The following THBS2 variants were observed in gnomAD, a reference collection of about 807,000 sequenced individuals.
THBS2 encodes thrombospondin-2.
In THBS2, 47 loss-of-function variants were observed where a neutral mutation model predicts 135.2. The ratio of observed to expected loss-of-function variants is 0.35; its 90% CI spans 0.28 to 0.44. The LOEUF (loss-of-function observed/expected upper bound fraction) is 0.44. THBS2 is among the 20% of genes least tolerant of loss of function. The probability of loss-of-function intolerance (pLI) is 1.00; values close to 1 mark genes in which losing one functional copy is unlikely to be tolerated. For synonymous variants in THBS2, 639 were observed against 633.8 expected, an observed-to-expected ratio of 1.01 and a Z score of -0.12; for missense variants, 1,288 against 1,603.1, an observed-to-expected ratio of 0.80 and a Z score of 3.36.
At position 169,237,180 on chromosome 6, in the gene THBS2, G is replaced by C. The variant is rs1012026756; in HGVS notation, c.1467C>G (p.Ala489=). ...CTTCACCGTACTTACTTGGGCATGGGGCGCCCTGGCAGGCTTTGGTCTCCC... is the reference window on the plus strand; with the variant it reads ...CTTCACCGTACTTACTTGGGCATGGCGCGCCCTGGCAGGCTTTGGTCTCCC... The part of the protein sequence containing the change: ...SGRETKACQG[A]PCPIDGRWSP... The change falls in exon 9 of 22, where the codon GCC becomes GCG. Residue 489 remains alanine, a synonymous_variant. Transcript: ENST00000617924. The C allele has an allele frequency of 3.1e-6, 5 of 1,606,820 alleles. No homozygotes were observed. The highest frequency in any genetic ancestry group is 4.2e-6 in the Non-Finnish European group (5 of 1,179,058).
rs1780255459 is a variant in THBS2, at chr6:169,240,602, C to T, written c.892-10G>A. On this transcript the variant is annotated splice_polypyrimidine_tract_variant and intron_variant, in intron 5 of 21. Coordinates refer to ENST00000617924, the MANE Select transcript of THBS2 (RefSeq NM_003247.5). ...ACTGGTTATCATTCGACTGGAAAATCAAGTGAAACATTTAAGTGTAGACAA... is the reference window on the plus strand; with the variant it reads ...ACTGGTTATCATTCGACTGGAAAATTAAGTGAAACATTTAAGTGTAGACAA... 1 of 1,613,074 alleles carries T rather than the reference C, an allele frequency of 6.2e-7. No individual in the cohort carries two copies. The highest frequency in any genetic ancestry group is 1.1e-5 in the South Asian group (1 of 90,986).
Position 169,248,485 on chromosome 6 carries a change from C to G in THBS2, c.541G>C (p.Glu181Gln), listed in dbSNP as rs781551028. 3.1e-6 allele frequency: 5 copies of G among 1,613,616 alleles called. No individual in the cohort carries two copies. Among genetic ancestry groups the G allele is most frequent in the Middle Eastern group, 1.6e-4 (1 of 6,082 alleles). ...CGGCTCTTTTCCGCCTGCAGGTGCT[C>G]GTAGAAGGGCTCGTCCAGAGCGAAG... is the stretch of plus-strand genomic sequence containing the variant. ...DSFALDEPFYEHLQAEKSRMY... is the reference protein window; with the variant it reads ...DSFALDEPFYQHLQAEKSRMY... Residue 181 changes from glutamate (E) to glutamine (Q), a missense_variant, in exon 3 of 22, where the codon GAG becomes CAG. By Grantham distance (29) the Glu-to-Gln change is conservative. Around this residue, in one of 2 missense-constraint regions of THBS2, gnomAD observed 414 missense variants for 447.0 expected, o/e 0.93. Transcript: ENST00000617924.
chr6:169,228,049 G>A, intron 15 of THBS2, 73 bp downstream of exon 15: 2 of 1,513,228 alleles, frequency 1.3e-6, no homozygotes, highest in Non-Finnish European at 8.8e-7. Context: ...CTACTGCCCT[G>A]GGCAACAATA....
rs200305949 is a variant in THBS2, at chr6:169,232,878, G to A, written c.1779+12C>T. On this transcript the variant is annotated intron_variant, in intron 11 of 21. Coordinates refer to ENST00000617924, the MANE Select transcript of THBS2 (RefSeq NM_003247.5). ...CCTCAGGGCGCCCACAGCCCAGGGCGGGGTCACCCACCTCGTCCAGGTCCT... is the reference window on the plus strand; with the variant it reads ...CCTCAGGGCGCCCACAGCCCAGGGCAGGGTCACCCACCTCGTCCAGGTCCT... 41 of 1,602,690 alleles carry A rather than the reference G, an allele frequency of 2.6e-5. No individual in the cohort carries two copies. The East Asian group carries it at 7.4e-4, about 29-fold the overall frequency.
chr6:169,232,264 G>C, intron 12 of THBS2, 66 bp from the exon 13 acceptor site: 1 of 1,565,134 alleles, frequency 6.4e-7, no homozygotes, highest in Non-Finnish European at 8.7e-7. Context: ...GTCGAGGCGG[G>C]GCGTCGGGCA....
chr6:169,249,801 T>C (rs12189649), intron 2 of THBS2, among the ~76,000 whole-genome samples: 72,875 of 151,874 alleles, frequency 0.48, 17,663 homozygotes, highest in Middle Eastern at 0.55. Context: ...GAGGCCGAGG[T>C]GGGTGGATCA....
At chr6:169,233,082 C>A in intron 10 of THBS2, 65 bp from the exon 11 acceptor site, 2 of 1,439,496 alleles carry the variant, frequency 1.4e-6, no homozygotes, top group East Asian at 2.5e-5. Flanking sequence ...GAAGCCCGCC[C>A]TGTGGGCCGT....
chr6:169,233,076 C>T (rs1779907943), intron 10 of THBS2, 59 bp from the exon 11 acceptor site: 8 of 1,445,740 alleles, frequency 5.5e-6, no homozygotes, highest in Non-Finnish European at 7.3e-6. Context: ...CAGAAGGAAG[C>T]CCGCCCTGTG....
chr6:169,229,381 C>T (rs1411370473), intron 14 of THBS2, among the ~76,000 whole-genome samples, 191 bp downstream of exon 14: 2 of 152,158 alleles, frequency 1.3e-5, no homozygotes, highest in Non-Finnish European at 2.9e-5. Context: ...CCTGGGCAGC[C>T]CCATGCACTG....
chr6:169,232,070 G>A lies in THBS2; in HGVS notation c.2061C>T (p.Asp687=), dbSNP rs1214284022. The A allele has an allele frequency of 7.4e-6, 12 of 1,614,078 alleles. No homozygotes were observed. Among genetic ancestry groups the A allele is most frequent in the East Asian group, 4.5e-5 (2 of 44,858 alleles). The change falls in exon 13 of 22, where the codon GAC becomes GAT. Residue 687 remains aspartate, a synonymous_variant. Transcript: ENST00000617924. ...KCECQTGYAG[D]GLICGEDSDL... is the part of the protein sequence containing the mutation. ...CCGAGTCCTCCCCGCAGATGAGCCC[G>A]TCGCCCGCGTAGCCTGTCTGGCACT...
At chr6:169,219,027 GGATGGATGAGTAGGTGGGTGGATGA>G (rs2114967885) in intron 21 of THBS2, among the ~76,000 whole-genome samples, 1 of 150,138 alleles carries the variant, frequency 6.7e-6, no homozygotes, top group African/African-American at 2.5e-5. Context: ...ATGAGTGGAT[GGATGGATGAGTAGGTGGGTGGATGA>G]GATGGATGGA....
At chr6:169,244,677 A>G (rs1433598210) in intron 4 of THBS2, among the ~76,000 whole-genome samples, 1 of 152,142 alleles carries the variant, frequency 6.6e-6, no homozygotes, top group Non-Finnish European at 1.5e-5. Context: ...AGTACCCAAA[A>G]GCCCCACAGC....
rs144458205 is a variant in THBS2, at chr6:169,248,506, C to A, written c.520G>T (p.Ala174Ser). ...TGCTCGTAGAAGGGCTCGTCCAGAG[C>A]GAAGCTGTCTATGAGGTCGCAGCCC... ...HVGCDLIDSF[A>S]LDEPFYEHLQ... is the part of the protein sequence containing the mutation. Residue 174 changes from alanine (A) to serine (S), a missense_variant, in exon 3 of 22, where the codon GCT (alanine) becomes TCT (serine). Around this residue, in one of 2 missense-constraint regions of THBS2, gnomAD observed 414 missense variants for 447.0 expected, o/e 0.93. Transcript: ENST00000617924. 15 of 1,613,900 alleles carry A rather than the reference C, an allele frequency of 9.3e-6. No individual in the cohort carries two copies. In the African/African-American group the frequency reaches 1.6e-4, roughly 17 times the overall value.
At chr6:169,220,440 T>C in intron 20 of THBS2, 103 bp from the exon 21 acceptor site, 1 of 1,438,014 alleles carries the variant, frequency 7.0e-7, no homozygotes, top group Non-Finnish European at 9.4e-7. Flanking sequence ...AAGCTGTGGA[T>C]ACTCCGCCCA....
Position 169,223,342 on chromosome 6 carries a change from G to T in THBS2, c.2907C>A (p.Pro969=). The T allele has an allele frequency of 6.2e-7, 1 of 1,614,138 alleles. No individual in the cohort carries two copies. The highest frequency in any genetic ancestry group is 1.7e-5 in the Admixed American group (1 of 60,014). Residue 969 remains proline, a synonymous_variant, in exon 18 of 22, where the codon CCC becomes CCA. Coordinates refer to ENST00000617924, the MANE Select transcript of THBS2 (RefSeq NM_003247.5). ...TGGGATCAATTTGGGTGGTCCCTTT[G>T]GGATCCAAGGGGACCATCTGGAAGT... is the stretch of plus-strand genomic sequence containing the variant. ...FRNFQMVPLD[P]KGTTQIDPNW...
chr6:169,218,121 G>A (rs2114963867), intron 21 of THBS2, among the ~76,000 whole-genome samples: 2 of 129,138 alleles, frequency 1.5e-5, no homozygotes, highest in South Asian at 2.8e-4. Flanking sequence ...GATGGATGGG[G>A]TGGGTGGGTG....
chr6:169,248,684 C>T lies in THBS2; in HGVS notation c.342G>A (p.Glu114=). 6.2e-7 allele frequency: 1 copy of T among 1,613,894 alleles called. No individual in the cohort carries two copies. The highest frequency in any genetic ancestry group is 1.1e-5 in the South Asian group (1 of 91,064). Residue 114 remains glutamate, a synonymous_variant, in exon 3 of 22, where the codon GAG becomes GAA. Transcript: ENST00000617924. ...EGPGLSQRQF[E]IVSNGPADTL... ...TGTCCGCGGGGCCGTTGGAGACGATCTCGAACTGCCTCTGGGAGAGACCGG... is the reference window on the plus strand; with the variant it reads ...TGTCCGCGGGGCCGTTGGAGACGATTTCGAACTGCCTCTGGGAGAGACCGG...
chr6:169,231,950 C>T (rs1230678132), intron 13 of THBS2, 30 bp downstream of exon 13: 1 of 1,609,722 alleles, frequency 6.2e-7, no homozygotes, highest in Non-Finnish European at 8.5e-7. Flanking sequence ...CCGCCGTGGC[C>T]CCGTGTGCCC....
At position 169,248,503 on chromosome 6, in the gene THBS2, G is replaced by A; in HGVS notation, c.523C>T (p.Leu175=). 6.2e-7 allele frequency: 1 copy of A among 1,614,050 alleles called. No individual in the cohort carries two copies. The highest frequency in any genetic ancestry group is 2.2e-5 in the East Asian group (1 of 44,866). The change falls in exon 3 of 22, where the codon CTG becomes TTG. Residue 175 remains leucine, a synonymous_variant. Transcript: ENST00000617924. ...AGGTGCTCGTAGAAGGGCTCGTCCA[G>A]AGCGAAGCTGTCTATGAGGTCGCAG... ...VGCDLIDSFA[L]DEPFYEHLQA...
Sources: allele counts gnomAD v4.1 joint callset (sites outside exome capture counted in the v4.1 genomes callset), GRCh38; gene constraint gnomAD v4.1.1; regional missense constraint gnomAD v4.1.1; transcripts MANE v1.5; gene names NCBI Gene and HGNC (gene_info 2026-07-23, HGNC 2026-07-21).